IGSF21: variants seen among roughly 807,000 people sequenced by gnomAD.
IGSF21 encodes the protein immunoglobulin superfamily member 21.
Under a neutral mutation model 46.8 loss-of-function variants are expected in IGSF21, and 28 were observed. The observed-to-expected ratio is 0.60, with a 90% CI of 0.44 to 0.82. The LOEUF is 0.82. IGSF21 is among the 40% of genes least tolerant of loss of function. The pLI, the probability that IGSF21 is intolerant of heterozygous loss-of-function variation, is 0.00. For synonymous variants in IGSF21, 284 were observed against 273.6 expected, an observed-to-expected ratio of 1.04 and a Z score of -0.38; for missense variants, 624 against 665.5, an observed-to-expected ratio of 0.94 and a Z score of 0.69.
intron 2 of IGSF21, among the ~76,000 whole-genome samples, chr1:18,247,355 C>T (rs2084795690): frequency 6.6e-6 from 1 of 152,160 alleles, no homozygotes; most frequent in Non-Finnish European, 1.5e-5. Flanking sequence ...GGGCCATCAA[C>T]TCCTTCATCC....
intron 1 of IGSF21, among the ~76,000 whole-genome samples, chr1:18,175,297 C>T (rs958098539): frequency 6.6e-6 from 1 of 152,170 alleles, no homozygotes; most frequent in East Asian, 1.9e-4. Context: ...GTGATGTAAA[C>T]AGGCCCCTCT....
At chr1:18,148,947 G>A (rs4311853) in intron 1 of IGSF21, among the ~76,000 whole-genome samples, 55,003 of 152,136 alleles carry the variant, frequency 0.36, 10,131 homozygotes, top group East Asian at 0.42. Flanking sequence ...TAAAAAAGCC[G>A]GAGCATAAAC....
intron 3 of IGSF21, among the ~76,000 whole-genome samples, chr1:18,296,450 G>A (rs1351903206): frequency 1.3e-5 from 2 of 152,170 alleles, no homozygotes. Flanking sequence ...TCATGGGAAA[G>A]TGTGAAGGAT....
At chr1:18,155,154 A>C (rs2086556920) in intron 1 of IGSF21, among the ~76,000 whole-genome samples, 2 of 151,932 alleles carry the variant, frequency 1.3e-5, no homozygotes, top group South Asian at 4.2e-4. Flanking sequence ...GGCACTGTGC[A>C]TGCACTTGGA....
chr1:18,346,119 A>G (rs1266958426), intron 4 of IGSF21, among the ~76,000 whole-genome samples: 1 of 152,088 alleles, frequency 6.6e-6, no homozygotes, highest in African/African-American at 2.4e-5. Context: ...CACCCTGTAA[A>G]TGTCAGTGGA....
At chr1:18,123,904 C>G (rs1047523650) in intron 1 of IGSF21, among the ~76,000 whole-genome samples, 4 of 152,200 alleles carry the variant, frequency 2.6e-5, no homozygotes, top group African/African-American at 9.7e-5. Flanking sequence ...TGTAGGCCCC[C>G]TGGCCCACTG....
chr1:18,176,266 C>CA (rs1196461404), intron 1 of IGSF21: 1 of 152,224 alleles, frequency 6.6e-6, no homozygotes, highest in African/African-American at 2.4e-5. Flanking sequence ...CACAGAGAGG[C>CA]ATCCTAGCTT....
chr1:18,177,405 G>GGGGATGGGGTCAGTGAGGTA (rs1490202037), intron 1 of IGSF21, among the ~76,000 whole-genome samples: 30,500 of 144,948 alleles, frequency 0.21, 4,083 homozygotes, highest in Non-Finnish European at 0.3. Context: ...GTGTGTGTGT[G>GGGGATGGGGTCAGTGAGGTA]TGTGTGTGTG....
intron 2 of IGSF21, among the ~76,000 whole-genome samples, chr1:18,270,657 G>A (rs1244986539): frequency 6.6e-6 from 1 of 152,190 alleles, no homozygotes; most frequent in Non-Finnish European, 1.5e-5. Context: ...CATGGAGGCG[G>A]CCATGTTGGC....
At chr1:18,246,728 C>T (rs1024410706) in intron 2 of IGSF21, among the ~76,000 whole-genome samples, 2 of 152,186 alleles carry the variant, frequency 1.3e-5, no homozygotes, top group Admixed American at 6.5e-5. Context: ...CGCACCCTGG[C>T]GGCACCAAAG....
At chr1:18,159,871 T>C (rs963718838) in intron 1 of IGSF21, among the ~76,000 whole-genome samples, 4 of 152,052 alleles carry the variant, frequency 2.6e-5, no homozygotes, top group African/African-American at 9.7e-5. Context: ...TTGGTAGAGA[T>C]TGGATTTCAT....
intron 1 of IGSF21, among the ~76,000 whole-genome samples, chr1:18,134,550 C>T (rs2086351493): frequency 1.3e-5 from 2 of 152,192 alleles, no homozygotes; most frequent in South Asian, 4.1e-4. Flanking sequence ...TAGGCAAACA[C>T]ATTAGGCCAG....
At chr1:18,250,292 C>T (rs2084828431) in intron 2 of IGSF21, among the ~76,000 whole-genome samples, 2 of 151,922 alleles carry the variant, frequency 1.3e-5, no homozygotes, top group Non-Finnish European at 2.9e-5. Context: ...GACTGCATCT[C>T]CCTCAACAGA....
chr1:18,179,551 T>C (rs555082232), intron 1 of IGSF21, among the ~76,000 whole-genome samples: 128 of 152,362 alleles, frequency 8.4e-4, no homozygotes, highest in African/African-American at 3.0e-3. Context: ...TTCATTTTTT[T>C]CCCTGATTTT....
chr1:18,231,756 C>A (rs1027270786), intron 2 of IGSF21, among the ~76,000 whole-genome samples: 1 of 152,130 alleles, frequency 6.6e-6, no homozygotes, highest in Non-Finnish European at 1.5e-5. Flanking sequence ...CACTGGATAA[C>A]CTGCTGTAGA....
intron 2 of IGSF21, among the ~76,000 whole-genome samples, chr1:18,229,217 G>T (rs926046188): frequency 6.6e-5 from 10 of 152,154 alleles, no homozygotes; most frequent in African/African-American, 1.9e-4. Context: ...GATGGAGCAT[G>T]GAAGAGAGGG....
intron 3 of IGSF21, among the ~76,000 whole-genome samples, chr1:18,328,329 A>G (rs1372487258): frequency 6.6e-6 from 1 of 152,210 alleles, no homozygotes. Context: ...CACAAAGCCC[A>G]TTTTGTAATA....
Position 18,322,290 on chromosome 1 carries a change from GA to G in IGSF21, c.306-12596del, listed in dbSNP as rs113386361. On this transcript the variant is annotated intron_variant, in intron 3 of 9. Transcript: ENST00000251296. This position sits in a 1 kb window ranked among gnomAD's most constrained non-coding sequence, Gnocchi z 4.3. ...CAGTAGGGGCACAGCCATGTTCATT[GA>G]AAAAAGATCATAGAAACAACAGGTT... is the stretch of plus-strand genomic sequence containing the variant. Among the ~76,000 whole-genome samples the G allele has an allele frequency of 0.029, 4,430 of 151,944 alleles. 112 individuals are homozygous for G. Among genetic ancestry groups the G allele is most frequent in the African/African-American group, 0.071 (2,953 of 41,426 alleles).
chr1:18,340,294 A>T (rs535084920), intron 4 of IGSF21, among the ~76,000 whole-genome samples: 1 of 152,208 alleles, frequency 6.6e-6, no homozygotes, highest in East Asian at 1.9e-4. Context: ...GCAAGTGAAG[A>T]GATGGGGAGA....
Sources: allele counts gnomAD v4.1 joint callset (sites outside exome capture counted in the v4.1 genomes callset), GRCh38; gene constraint gnomAD v4.1.1; non-coding constraint Gnocchi (gnomAD v3.1); transcripts MANE v1.5; gene names NCBI Gene and HGNC (gene_info 2026-07-23, HGNC 2026-07-21).